ZNF385D: variants seen among roughly 807,000 people sequenced by gnomAD.
ZNF385D encodes the protein zinc finger protein 385D, also known as zinc finger protein 659.
A neutral mutation model predicts 35.8 loss-of-function variants in ZNF385D; 15 were observed. The ratio of observed to expected loss-of-function variants is 0.42; its 90% CI spans 0.28 to 0.64. The LOEUF (loss-of-function observed/expected upper bound fraction) is 0.64. Ranked by LOEUF, ZNF385D falls within the 30% of genes least tolerant of loss-of-function variation. The pLI is 0.23. For missense variants in ZNF385D, 474 were observed against 494.6 expected, an observed-to-expected ratio of 0.96 and a Z score of 0.39; for synonymous variants, 212 against 186.8, an observed-to-expected ratio of 1.13 and a Z score of -1.10.
At chr3:21,449,911 T>C (rs1378305405) in intron 4 of ZNF385D, among the ~76,000 whole-genome samples, 2 of 152,148 alleles carry the variant, frequency 1.3e-5, no homozygotes, top group Admixed American at 6.6e-5. Context: ...TCAAGCCTGA[T>C]ACTTGAAAGG....
chr3:21,856,509 C>T (rs761211257), intron 3 of ZNF385D, among the ~76,000 whole-genome samples: 3 of 152,110 alleles, frequency 2.0e-5, no homozygotes, highest in African/African-American at 2.4e-5. Context: ...TTTTCAAAAT[C>T]GGCTGTAATC....
intron 6 of ZNF385D, among the ~76,000 whole-genome samples, chr3:21,424,417 C>A (rs1253900824): frequency 7.0e-6 from 1 of 141,950 alleles, no homozygotes; most frequent in Non-Finnish European, 1.5e-5. Context: ...CGGGTTCAAG[C>A]AATTATCTGC....
intron 3 of ZNF385D, among the ~76,000 whole-genome samples, chr3:22,068,056 G>A (rs1311503766): frequency 6.6e-6 from 1 of 152,008 alleles, no homozygotes; most frequent in Non-Finnish European, 1.5e-5. Context: ...AGTAGCCACT[G>A]GTTACCTGTG....
At chr3:21,634,214 GAGAGAA>G (rs1221353414) in intron 2 of ZNF385D, among the ~76,000 whole-genome samples, 2 of 149,942 alleles carry the variant, frequency 1.3e-5, no homozygotes, top group Non-Finnish European at 3.0e-5. Flanking sequence ...TAGAAAGAAA[GAGAGAA>G]AGAGAAAGAG....
intron 3 of ZNF385D, among the ~76,000 whole-genome samples, chr3:21,948,660 C>T (rs1701910822): frequency 2.7e-5 from 4 of 148,862 alleles, no homozygotes; most frequent in Non-Finnish European, 5.9e-5. Flanking sequence ...TTAGATTCTG[C>T]TATAATCCAT....
At chr3:21,616,191 G>A (rs765218605) in intron 2 of ZNF385D, among the ~76,000 whole-genome samples, 9 of 152,074 alleles carry the variant, frequency 5.9e-5, no homozygotes, top group Non-Finnish European at 1.2e-4. Context: ...TAATGATAAT[G>A]TACACAATGT....
chr3:22,236,270 A>T (rs144140776), intron 2 of ZNF385D, among the ~76,000 whole-genome samples: 3 of 152,286 alleles, frequency 2.0e-5, no homozygotes, highest in Non-Finnish European at 2.9e-5. Context: ...TCTTGCTTAT[A>T]TATAGAAGCA....
At chr3:21,966,346 TA>T (rs1702912028) in intron 3 of ZNF385D, among the ~76,000 whole-genome samples, 1 of 152,202 alleles carries the variant, frequency 6.6e-6, no homozygotes, top group Admixed American at 6.5e-5. Flanking sequence ...ATTTTAAAGC[TA>T]AGGAACTAAC....
chr3:22,259,399 CT>C (rs1700500897), intron 2 of ZNF385D, among the ~76,000 whole-genome samples: 1 of 151,862 alleles, frequency 6.6e-6, no homozygotes, highest in Non-Finnish European at 1.5e-5. Context: ...GCTTGCTTGA[CT>C]CTGCCAAATA....
At chr3:22,358,178 G>A (rs971537248) in intron 2 of ZNF385D, among the ~76,000 whole-genome samples, 1 of 151,858 alleles carries the variant, frequency 6.6e-6, no homozygotes, top group African/African-American at 2.4e-5. Context: ...GTGACACAAA[G>A]TTCACTTGTA....
intron 2 of ZNF385D, among the ~76,000 whole-genome samples, chr3:21,660,791 T>C (rs2066215609): frequency 6.6e-6 from 1 of 152,146 alleles, no homozygotes. Flanking sequence ...TTTTAAATTG[T>C]TTGTTTAGTT....
At chr3:21,778,472 C>T (rs2071375092) in intron 3 of ZNF385D, among the ~76,000 whole-genome samples, 1 of 151,842 alleles carries the variant, frequency 6.6e-6, no homozygotes, top group Non-Finnish European at 1.5e-5. Context: ...GTAATCTAAA[C>T]ATCGAAGCAC....
chr3:22,108,405 C>T lies in ZNF385D; in HGVS notation c.325+60412G>A, dbSNP rs138326073. Among the ~76,000 whole-genome samples the T allele has an allele frequency of 3.5e-3, 532 of 151,004 alleles. 2 individuals are homozygous for T. Among genetic ancestry groups the T allele is most frequent in the African/African-American group, 0.012 (507 of 41,182 alleles). ...CATGATCTGTCAAAACACAAAACTT[C>T]CTTAAGAGGAAAGAAGTAAGGGTAT... is the stretch of plus-strand genomic sequence containing the variant. On this transcript the variant is annotated intron_variant, in intron 3 of 5. Transcript: ENST00000494108.
At chr3:21,896,350 T>C (rs1473806795) in intron 3 of ZNF385D, among the ~76,000 whole-genome samples, 2 of 152,078 alleles carry the variant, frequency 1.3e-5, no homozygotes, top group African/African-American at 4.8e-5. Flanking sequence ...TACTTACCCA[T>C]GGTGTAGATA....
At chr3:21,561,724 A>C (rs1450250478) in intron 3 of ZNF385D, among the ~76,000 whole-genome samples, 1 of 152,202 alleles carries the variant, frequency 6.6e-6, no homozygotes, top group African/African-American at 2.4e-5. Context: ...CAATCAGAAC[A>C]CACACAACGT....
intron 2 of ZNF385D, among the ~76,000 whole-genome samples, chr3:21,605,929 G>A (rs990125764): frequency 1.3e-5 from 2 of 152,052 alleles, no homozygotes; most frequent in African/African-American, 4.8e-5. Context: ...CATGAACACA[G>A]GAAAACCACG....
At chr3:21,641,150 C>T (rs2065593525) in intron 2 of ZNF385D, among the ~76,000 whole-genome samples, 1 of 152,126 alleles carries the variant, frequency 6.6e-6, no homozygotes, top group Admixed American at 6.6e-5. Context: ...CTTGCTGTAA[C>T]TATTTCCTCA....
chr3:21,970,663 A>T (rs1576041087), intron 3 of ZNF385D, among the ~76,000 whole-genome samples: 4 of 152,226 alleles, frequency 2.6e-5, no homozygotes, highest in Admixed American at 2.6e-4. Context: ...ACATAATAAT[A>T]GAGAACTTTC....
At chr3:22,125,404 T>C (rs1245768685) in intron 3 of ZNF385D, among the ~76,000 whole-genome samples, 2 of 152,130 alleles carry the variant, frequency 1.3e-5, no homozygotes, top group African/African-American at 4.8e-5. Flanking sequence ...CTGGGACTTT[T>C]ATGGTTCCAT....
Sources: allele counts gnomAD v4.1 joint callset (sites outside exome capture counted in the v4.1 genomes callset), GRCh38; gene constraint gnomAD v4.1.1; transcripts MANE v1.5; gene names NCBI Gene and HGNC (gene_info 2026-07-23, HGNC 2026-07-21).